PLEKHH1: variants seen among roughly 807,000 people sequenced by gnomAD.
The protein encoded by PLEKHH1 is pleckstrin homology domain-containing family H member 1.
PLEKHH1 carries 104 observed loss-of-function variants against 160.0 expected under a neutral mutation model. The ratio of observed to expected loss-of-function variants is 0.65; its 90% confidence interval spans 0.55 to 0.76. The LOEUF is 0.76. Among genes scored for constraint, PLEKHH1 ranks in the 30% least tolerant of loss-of-function variants. The pLI is 0.00. For synonymous variants in PLEKHH1, 619 were observed against 678.4 expected, an observed-to-expected ratio of 0.91 and a Z score of 1.36; for missense variants, 1,427 against 1,724.1, an observed-to-expected ratio of 0.83 and a Z score of 3.05.
chr14:67,550,247 G>C (rs1181265289), intron 2 of PLEKHH1, among the ~76,000 whole-genome samples: 1 of 151,890 alleles, frequency 6.6e-6, no homozygotes, highest in Non-Finnish European at 1.5e-5. Context: ...GGAGTGCAGT[G>C]GCACCATCTC....
At chr14:67,568,100 T>C (rs2035192364) in intron 7 of PLEKHH1, among the ~76,000 whole-genome samples, 1 of 152,198 alleles carries the variant, frequency 6.6e-6, no homozygotes, top group Non-Finnish European at 1.5e-5. Flanking sequence ...CTAGCCATGA[T>C]ATGACATTAT....
intron 3 of PLEKHH1, among the ~76,000 whole-genome samples, 170 bp downstream of exon 3, chr14:67,556,057 T>G (rs1174856629): frequency 6.6e-6 from 1 of 152,166 alleles, no homozygotes; most frequent in Non-Finnish European, 1.5e-5. Flanking sequence ...TGGGTAAAGA[T>G]CAGTGTAGCA....
Position 67,579,178 on chromosome 14 carries a change from A to C in PLEKHH1, c.2894A>C (p.Glu965Ala). ...GCCACCTACTGCCAGCGGGCAGTGG[A>C]GCGGACCCTGCGGACCGGGGAGCGG... Reference protein sequence around the residue: ...QYATYCQRAVERTLRTGEREA... With the variant: ...QYATYCQRAVARTLRTGEREA... Residue 965 changes from glutamate (E) to alanine (A), a missense_variant, in exon 21 of 29, where the codon GAG becomes GCG. By Grantham distance (107) the Glu-to-Ala change is moderately radical. Coordinates refer to ENST00000329153, the MANE Select transcript of PLEKHH1 (RefSeq NM_020715.3). The C allele has an allele frequency of 6.2e-7, 1 of 1,609,846 alleles. No individual in the cohort carries two copies. The highest frequency in any genetic ancestry group is 8.5e-7 in the Non-Finnish European group (1 of 1,178,710).
rs969140339 is a variant in PLEKHH1, at chr14:67,582,541, G to A, written c.3426+331G>A. Among the ~76,000 whole-genome samples, 2 of 152,124 alleles carry A rather than the reference G, an allele frequency of 1.3e-5. No homozygotes were observed. Among genetic ancestry groups the A allele is most frequent in the African/African-American group, 4.8e-5 (2 of 41,408 alleles). On this transcript the variant is annotated intron_variant, in intron 24 of 28. Transcript: ENST00000329153. This position sits in a 1 kb window ranked among gnomAD's most constrained non-coding sequence, Gnocchi z 5.0. ...ATACCAAAATAAAAAATACTTGGCC[G>A]GGAGCAGTGGCTCATGCCTGTAATG...
chr14:67,586,002 AG>A lies in PLEKHH1; in HGVS notation c.3841del (p.Asp1281MetfsTer6). The A allele has an allele frequency of 1.2e-6, 2 of 1,613,956 alleles. No homozygotes were observed. The highest frequency in any genetic ancestry group is 1.7e-6 in the Non-Finnish European group (2 of 1,179,824). On this transcript the variant is annotated frameshift_variant, in exon 28 of 29. Transcript: ENST00000329153. LOFTEE classifies it high-confidence loss of function. ...TTCAGTGACAACGTTTGGTGGCTGCAGGGATGACTTCATGCTTGTGATTAGA... is the reference window on the plus strand; with the variant it reads ...TTCAGTGACAACGTTTGGTGGCTGCAGGATGACTTCATGCTTGTGATTAGA... ...YSSVTTFGGC[R>X]DDFMLVIRSI...
In PLEKHH1 at chr14:67,557,417, A is replaced by T. The variant is rs3825723; in HGVS notation, c.338A>T (p.Gln113Leu). Residue 113 changes from glutamine to leucine, a missense_variant and splice_region_variant, in exon 4 of 29, where the codon CAG (glutamine) becomes CTG (leucine). This residue lies in a region of PLEKHH1 where 831 missense variants were observed against 929.2 expected (regional missense o/e 0.89). Coordinates refer to ENST00000329153, the MANE Select transcript of PLEKHH1 (RefSeq NM_020715.3). ...ISQLEAQLEK[Q>L]KQMRAEEAKT... ...CAGCTAGAGGCTCAGCTGGAGAAGC[A>T]GGTAAGGGCTCATGCGCAAGGGAGC... is the stretch of plus-strand genomic sequence containing the variant. 248,331 of 1,612,246 alleles carry T rather than the reference A, an allele frequency of 0.15. 20,511 individuals carry two copies. The highest frequency in any genetic ancestry group is 0.28 in the East Asian group (12,533 of 44,866).
At chr14:67,585,683 C>T (rs1006263658) in intron 27 of PLEKHH1, 29 bp downstream of exon 27, 3 of 1,425,380 alleles carry the variant, frequency 2.1e-6, no homozygotes. Context: ...TGCTCCCTGA[C>T]CCCTCCTCTT....
Position 67,573,057 on chromosome 14 carries a change from C to CA in PLEKHH1, c.1729-218dup, listed in dbSNP as rs1294508645. Among the ~76,000 whole-genome samples the CA allele has an allele frequency of 2.0e-5, 3 of 152,246 alleles. No homozygotes were observed. The highest frequency in any genetic ancestry group is 6.5e-5 in the Admixed American group (1 of 15,290). On this transcript the variant is annotated intron_variant, in intron 11 of 28. Transcript: ENST00000329153. This position sits in a 1 kb window ranked among gnomAD's most constrained non-coding sequence, Gnocchi z 4.8. The stretch of plus-strand genomic sequence containing the variant: ...TCATAGTGAGGTCTTCCCCAGCTAG[C>CA]ATGGGAGCCCTTCCTTGGCAGGACC...
intron 2 of PLEKHH1, among the ~76,000 whole-genome samples, chr14:67,550,552 C>T (rs2140363230): frequency 6.6e-6 from 1 of 152,256 alleles, no homozygotes; most frequent in African/African-American, 2.4e-5. Context: ...GGGTTGCAAA[C>T]TCAAATGTTT....
rs200696869 is a variant in PLEKHH1 at position 67,562,176 on chromosome 14, C to G, written c.545C>G (p.Pro182Arg). 15 of 1,611,600 alleles carry G rather than the reference C, an allele frequency of 9.3e-6. No homozygotes were observed. The highest frequency in any genetic ancestry group is 1.7e-4 in the Middle Eastern group (1 of 6,044). The change falls in exon 7 of 29, where the codon CCC (proline) becomes CGC (arginine). Residue 182 changes from proline (P) to arginine (R), a missense_variant. Pro to Arg is a moderately radical substitution (Grantham distance 103). Transcript: ENST00000329153. The part of the protein sequence containing the change: ...IAPSRKLLVP[P>R]YGAAEQDSVP... ...CCTTCACGGAAGCTGCTGGTGCCCC[C>G]CTACGGAGCTGCAGAGCAGGATTCT...
chr14:67,571,905 A>G lies in PLEKHH1; in HGVS notation c.1585+3A>G. ...CAGCCCCCGGGCCATCAAGAGAGGT[A>G]CAGAGAAGGGGAGCAGGGGCAGGGT... On this transcript the variant is annotated splice_donor_region_variant and intron_variant, in intron 10 of 28. Coordinates refer to ENST00000329153, the MANE Select transcript of PLEKHH1 (RefSeq NM_020715.3). 2.5e-6 allele frequency: 4 copies of G among 1,606,140 alleles called. No homozygotes were observed. The highest frequency in any genetic ancestry group is 3.4e-6 in the Non-Finnish European group (4 of 1,176,098).
intron 26 of PLEKHH1, 138 bp from the exon 27 acceptor site, chr14:67,585,427 TATC>T (rs924045900): frequency 7.7e-6 from 5 of 653,468 alleles, no homozygotes; most frequent in Admixed American, 5.1e-5. Flanking sequence ...ACTGTACAAA[TATC>T]ATCTTTGTTT....
At chr14:67,557,153 G>A (rs780282449) in intron 3 of PLEKHH1, 116 bp from the exon 4 acceptor site, 1 of 747,454 alleles carries the variant, frequency 1.3e-6, no homozygotes, top group Non-Finnish European at 2.2e-6. Context: ...CTGGGTAAGG[G>A]CTGTGCCTGG....
At chr14:67,586,224 C>A in intron 28 of PLEKHH1, 127 bp downstream of exon 28, 1 of 1,209,058 alleles carries the variant, frequency 8.3e-7, no homozygotes, top group Non-Finnish European at 1.2e-6. Context: ...TTGGTCTTGT[C>A]TGTAATTAGT....
intron 2 of PLEKHH1, among the ~76,000 whole-genome samples, chr14:67,543,079 C>A (rs2034036829): frequency 6.6e-6 from 1 of 152,154 alleles, no homozygotes; most frequent in South Asian, 2.1e-4. Flanking sequence ...AGAGTGAAGA[C>A]CTGCACTTAA....
intron 3 of PLEKHH1, among the ~76,000 whole-genome samples, chr14:67,556,224 AAAG>A (rs1459722978): frequency 2.0e-5 from 3 of 152,236 alleles, no homozygotes; most frequent in Non-Finnish European, 4.4e-5. Context: ...AATCCAGGTT[AAAG>A]GAGGCTTGCC....
In PLEKHH1 at chr14:67,587,929, T is replaced by C. The variant is rs1033016259; in HGVS notation, c.*694T>C. 1 of 152,670 alleles carries C rather than the reference T, an allele frequency of 6.6e-6. No individual in the cohort carries two copies. Among genetic ancestry groups the C allele is most frequent in the Non-Finnish European group, 1.5e-5 (1 of 68,126 alleles). The allele number at this position is 152,670 out of a possible 1,614,324, so 9.5% of individuals were successfully genotyped here. The stretch of plus-strand genomic sequence containing the variant: ...GTCGCTAAACAGGATAGGACTAAAA[T>C]TTCCAATTCTCCTACACTCTGTCAG... On this transcript the variant is annotated 3_prime_UTR_variant, in exon 29 of 29. Coordinates refer to ENST00000329153, the MANE Select transcript of PLEKHH1 (RefSeq NM_020715.3).
chr14:67,558,589 A>G (rs2034691610), intron 4 of PLEKHH1, among the ~76,000 whole-genome samples: 1 of 152,224 alleles, frequency 6.6e-6, no homozygotes, highest in Non-Finnish European at 1.5e-5. Context: ...TCCTTAGGTC[A>G]GAAAAAAGGT....
intron 7 of PLEKHH1, among the ~76,000 whole-genome samples, chr14:67,565,669 G>A (rs542978290): frequency 6.6e-6 from 1 of 152,326 alleles, no homozygotes; most frequent in South Asian, 2.1e-4. Flanking sequence ...CTGCTGGGGT[G>A]TGTAGCAGTA....
Sources: allele counts gnomAD v4.1 joint callset (sites outside exome capture counted in the v4.1 genomes callset), GRCh38; gene constraint gnomAD v4.1.1; regional missense constraint gnomAD v4.1.1; non-coding constraint Gnocchi (gnomAD v3.1); transcripts MANE v1.5; gene names NCBI Gene and HGNC (gene_info 2026-07-23, HGNC 2026-07-21).